Variants in AKAP9 observed in about 807,000 individuals in gnomAD.
AKAP9 encodes A-kinase anchoring protein 9, also known as A-kinase anchor protein 9.
AKAP9 carries 311 observed loss-of-function variants against 488.5 expected under a neutral mutation model. The observed-to-expected ratio is 0.64, with a 90% CI of 0.58 to 0.70. AKAP9 has a LOEUF of 0.70. AKAP9 is among the 30% of genes least tolerant of loss of function. The pLI is 0.00. For synonymous variants in AKAP9, 1,462 were observed against 1,483.5 expected (o/e 0.99, Z 0.33); for missense variants, 4,215 against 4,374.5 (o/e 0.96, Z 1.03).
At position 92,062,432 on chromosome 7, in the gene AKAP9, T is replaced by C. The variant is rs202199870; in HGVS notation, c.5923T>C (p.Leu1975=). 1.2e-6 allele frequency: 2 copies of C among 1,613,796 alleles called. No individual in the cohort carries two copies. The highest frequency in any genetic ancestry group is 1.3e-5 in the African/African-American group (1 of 75,008). The stretch of plus-strand genomic sequence containing the variant: ...ACAGCAGATCCAAGAAGAAAGAGAA[T>C]TACTGTCCAGACAAAAGGAAGCTAT... ...EQQQIQEERE[L]LSRQKEAMKA... Residue 1975 remains leucine (L), a synonymous_variant, in exon 24 of 50, where the codon TTA becomes CTA. Coordinates refer to ENST00000356239, the MANE Select transcript of AKAP9 (RefSeq NM_005751.5).
intron 14 of AKAP9, among the ~76,000 whole-genome samples, chr7:92,024,095 C>A (rs1265769075): frequency 6.6e-6 from 1 of 151,544 alleles, no homozygotes; most frequent in East Asian, 1.9e-4. Flanking sequence ...ATACATTATG[C>A]ACATTTTATA....
intron 24 of AKAP9, among the ~76,000 whole-genome samples, chr7:92,064,714 C>T (rs888708950): frequency 2.0e-5 from 3 of 152,128 alleles, no homozygotes; most frequent in Non-Finnish European, 4.4e-5. Flanking sequence ...GTAAGACTAA[C>T]AGGAAATTTC....
At chr7:92,024,569 A>G (rs1157876903) in intron 14 of AKAP9, among the ~76,000 whole-genome samples, 2 of 151,922 alleles carry the variant, frequency 1.3e-5, no homozygotes, top group Non-Finnish European at 2.9e-5. Flanking sequence ...CTCTTTTTCC[A>G]TTTAGGTCAG....
At chr7:92,101,802 A>G (rs972349398) in intron 45 of AKAP9, among the ~76,000 whole-genome samples, 1 of 152,170 alleles carries the variant, frequency 6.6e-6, no homozygotes, top group African/African-American at 2.4e-5. Flanking sequence ...AAAAAGAAAA[A>G]CTTTTGGAAC....
intron 8 of AKAP9, among the ~76,000 whole-genome samples, chr7:92,011,547 TACTC>T (rs1237665881): frequency 6.6e-6 from 1 of 152,124 alleles, no homozygotes; most frequent in Non-Finnish European, 1.5e-5. Flanking sequence ...GACAAGTAAA[TACTC>T]AAGAATAATC....
intron 22 of AKAP9, among the ~76,000 whole-genome samples, chr7:92,060,104 C>G (rs1387306200): frequency 6.6e-6 from 1 of 151,890 alleles, no homozygotes; most frequent in East Asian, 1.9e-4. Context: ...TGTAGTTACT[C>G]TAAAATCCAT....
At chr7:92,104,632 C>G (rs559851250) in intron 46 of AKAP9, among the ~76,000 whole-genome samples, 2 of 152,252 alleles carry the variant, frequency 1.3e-5, no homozygotes, top group South Asian at 4.1e-4. Flanking sequence ...ACAACCAGCC[C>G]AGTCTCCCAA....
Position 92,083,098 on chromosome 7 carries a change from C to T in AKAP9, c.8161-72C>T, listed in dbSNP as rs1257437564. The T allele has an allele frequency of 9.7e-6, 15 of 1,548,148 alleles. No individual in the cohort carries two copies. In the East Asian group the frequency reaches 3.1e-4, roughly 32 times the overall value. ...AATCATGAATTACATTCCTCCCACA[C>T]CCTTTAAATTCTACATTTAATATGG... is the stretch of plus-strand genomic sequence containing the variant. On this transcript the variant is annotated intron_variant, in intron 32 of 49. Transcript: ENST00000356239.
At position 92,002,476 on chromosome 7, in the gene AKAP9, T is replaced by C. The variant is rs762012353; in HGVS notation, c.2559T>C (p.Ala853=). 10 of 1,610,394 alleles carry C rather than the reference T, an allele frequency of 6.2e-6. No individual in the cohort carries two copies. Among genetic ancestry groups the C allele is most frequent in the Middle Eastern group, 3.3e-4 (2 of 6,044 alleles). Residue 853 remains alanine (A), a synonymous_variant, in exon 8 of 50, where the codon GCT becomes GCC. Transcript: ENST00000356239. ...AGCAAAGGAACACTTTTTCATTTGC[T>C]GAAAAAAACTTTGAAGTTAACTATC... is the stretch of plus-strand genomic sequence containing the variant. The part of the protein sequence containing the change: ...IEKQRNTFSF[A]EKNFEVNYQE...
intron 33 of AKAP9, among the ~76,000 whole-genome samples, chr7:92,083,991 G>T (rs964662902): frequency 6.6e-6 from 1 of 151,988 alleles, no homozygotes; most frequent in Non-Finnish European, 1.5e-5. Context: ...CCTCACCCCC[G>T]ACAGGCCCCA....
chr7:92,097,211 C>T lies in AKAP9; in HGVS notation c.10252C>T (p.Gln3418Ter). 6.2e-7 allele frequency: 1 copy of T among 1,612,586 alleles called. No individual in the cohort carries two copies. Among genetic ancestry groups the T allele is most frequent in the Non-Finnish European group, 8.5e-7 (1 of 1,179,616 alleles). ...GTCCAAAGTGGAAGATCTTCAGCGC[C>T]AGCTGGAAGAGAAAAGACAACAAGT... ...LQSKVEDLQRQLEEKRQQVYK... is the reference protein window; with the variant it reads ...LQSKVEDLQR The change falls in exon 41 of 50, where the codon CAG (glutamine) becomes TAG (stop). Residue 3418 changes from glutamine to a stop codon, truncating the protein, a stop_gained. Transcript: ENST00000356239. LOFTEE classifies it high-confidence loss of function.
chr7:91,949,558 G>A (rs1489581650), intron 1 of AKAP9, among the ~76,000 whole-genome samples: 10 of 152,134 alleles, frequency 6.6e-5, no homozygotes. Flanking sequence ...GGGATCTGTA[G>A]CTACTTCACT....
At chr7:92,066,780 ACT>A (rs769824086) in intron 26 of AKAP9, among the ~76,000 whole-genome samples, 1 of 152,084 alleles carries the variant, frequency 6.6e-6, no homozygotes, top group East Asian at 1.9e-4. Context: ...AATTAAATAA[ACT>A]CTGTTTATTT....
chr7:92,097,877 G>A (rs963498557), intron 42 of AKAP9, 83 bp downstream of exon 42: 1 of 1,375,020 alleles, frequency 7.3e-7, no homozygotes, highest in Non-Finnish European at 1.0e-6. Flanking sequence ...CTAGCCAAGG[G>A]TGGGGAATTG....
rs59961119 is a variant in AKAP9, at chr7:92,034,498, A to ATTT, written c.4338+2913_4338+2915dup. Among the ~76,000 whole-genome samples the ATTT allele has an allele frequency of 7.8e-3, 745 of 95,416 alleles. 10 individuals carry two copies. Among genetic ancestry groups the ATTT allele is most frequent in the African/African-American group, 0.012 (283 of 24,350 alleles). 62.6% of individuals were successfully genotyped at this position (95,416 alleles called of 152,430 possible). ...TATATATCTATATATATATATATATATTTTTTTTTTTTTTTTTTTTTGAGA... is the reference window on the plus strand; with the variant it reads ...TATATATCTATATATATATATATATATTTTTTTTTTTTTTTTTTTTTTTTGAGA... On this transcript the variant is annotated intron_variant, in intron 16 of 49. Coordinates refer to ENST00000356239, the MANE Select transcript of AKAP9 (RefSeq NM_005751.5).
intron 2 of AKAP9, among the ~76,000 whole-genome samples, chr7:91,977,609 A>G (rs989279240): frequency 2.6e-5 from 4 of 152,152 alleles, no homozygotes; most frequent in Admixed American, 6.5e-5. Flanking sequence ...GTTAAGTACA[A>G]TATCTGTGTT....
intron 1 of AKAP9, among the ~76,000 whole-genome samples, chr7:91,972,150 C>T (rs939402797): frequency 6.6e-6 from 1 of 152,036 alleles, no homozygotes; most frequent in Non-Finnish European, 1.5e-5. Flanking sequence ...GCTAGGGGCT[C>T]GTGCCCAGAG....
intron 23 of AKAP9, among the ~76,000 whole-genome samples, chr7:92,061,831 C>G (rs906216191): frequency 6.6e-6 from 1 of 151,620 alleles, no homozygotes; most frequent in African/African-American, 2.4e-5. Context: ...CTCTAAAGCC[C>G]TATGCTCTTT....
intron 39 of AKAP9, 78 bp from the exon 40 acceptor site, chr7:92,094,945 T>G (rs1816305576): frequency 7.5e-7 from 1 of 1,325,046 alleles, no homozygotes; most frequent in Admixed American, 1.8e-5. Context: ...AACTTATCAG[T>G]AGAAGCTGTT....
Sources: allele counts gnomAD v4.1 joint callset (sites outside exome capture counted in the v4.1 genomes callset), GRCh38; gene constraint gnomAD v4.1.1; transcripts MANE v1.5; gene names NCBI Gene and HGNC (gene_info 2026-07-23, HGNC 2026-07-21).